The following DESI1 variants were observed in gnomAD, a reference collection of about 807,000 sequenced individuals.
DESI1 encodes PPPDE peptidase domain containing 2.
DESI1 carries 17 observed loss-of-function variants against 22.4 expected under a neutral mutation model. That is an observed-to-expected ratio of 0.76 (90% CI 0.52 to 1.14). The LOEUF (loss-of-function observed/expected upper bound fraction) is 1.14. Among genes scored for constraint, DESI1 ranks in the 50% most tolerant of loss-of-function variants. DESI1 has a pLI of 0.00. For missense variants in DESI1, 177 were observed against 208.9 expected, an observed-to-expected ratio of 0.85 and a Z score of 0.94; for synonymous variants, 92 against 84.2, an observed-to-expected ratio of 1.09 and a Z score of -0.51.
intron 2 of DESI1, 62 bp from the exon 3 acceptor site, chr22:41,607,393 C>G: frequency 6.7e-7 from 1 of 1,495,760 alleles, no homozygotes; most frequent in Non-Finnish European, 9.1e-7. Flanking sequence ...AAAGCAAACA[C>G]CATAATGCAA....
At chr22:41,604,249 ACTTTT>A in intron 3 of DESI1, 96 bp from the exon 4 acceptor site, 1 of 496,622 alleles carries the variant, frequency 2.0e-6, no homozygotes, top group Non-Finnish European at 3.1e-6. Context: ...CTCTGTTCTG[ACTTTT>A]TTTTTTTTTT....
Position 41,620,948 on chromosome 22 carries a change from C to A in DESI1, c.-109G>T, listed in dbSNP as rs998311182. The A allele has an allele frequency of 1.8e-5, 23 of 1,274,894 alleles. No individual in the cohort carries two copies. The South Asian group carries it at 3.2e-4, about 18-fold the overall frequency. 79.0% of individuals were successfully genotyped at this position (1,274,894 alleles called of 1,614,324 possible). ...AGCGGAGGGAGAGGGGGGGACCGAG[C>A]CCGGGCCCGGGCTGAGGGGTGGGGG... On this transcript the variant is annotated 5_prime_UTR_variant, in exon 1 of 6. Coordinates refer to ENST00000263256, the MANE Select transcript of DESI1 (RefSeq NM_015704.3).
In DESI1 at chr22:41,600,047, C is replaced by A. The variant is rs370299269; in HGVS notation, c.*1050G>T. On this transcript the variant is annotated 3_prime_UTR_variant, in exon 6 of 6. Coordinates refer to ENST00000263256, the MANE Select transcript of DESI1 (RefSeq NM_015704.3). The stretch of plus-strand genomic sequence containing the variant: ...TACAAAAATTAGCCTGGCGTGGTGG[C>A]ACGCACCTGTAATCCCAGCTACTCA... 2.6e-5 allele frequency: 4 copies of A among 152,120 alleles called. No homozygotes were observed. In the East Asian group the frequency reaches 5.9e-4, roughly 22 times the overall value. 9.4% of individuals were successfully genotyped at this position (152,120 alleles called of 1,614,324 possible). A position where few individuals can be genotyped will look rare whatever the true frequency, so the allele number is the denominator to read the frequency against.
intron 1 of DESI1, among the ~76,000 whole-genome samples, chr22:41,608,458 G>GAAAAAAA (rs1231592984): frequency 6.6e-6 from 1 of 152,138 alleles, no homozygotes; most frequent in South Asian, 2.1e-4. Context: ...TAAAAATAAG[G>GAAAAAAA]TACTAAATAT....
In DESI1 at chr22:41,620,924, G is replaced by C. The variant is rs1190763451; in HGVS notation, c.-85C>G. 2 of 1,500,540 alleles carry C rather than the reference G, an allele frequency of 1.3e-6. No homozygotes were observed. The highest frequency in any genetic ancestry group is 4.0e-5 in the Admixed American group (2 of 50,046). The allele number at this position is 1,500,540 out of a possible 1,614,324, so 93.0% of individuals were successfully genotyped here. Reference sequence around the variant, plus strand: ...TTCCCGTACCCGACGGGAGTGCGAAGCGGAGGGAGAGGGGGGGACCGAGCC... The same window carrying C: ...TTCCCGTACCCGACGGGAGTGCGAACCGGAGGGAGAGGGGGGGACCGAGCC... On this transcript the variant is annotated 5_prime_UTR_variant, in exon 1 of 6. Transcript: ENST00000263256.
chr22:41,602,716 G>T (rs992769699), intron 5 of DESI1: 6 of 989,438 alleles, frequency 6.1e-6, no homozygotes, highest in Admixed American at 1.2e-4. Flanking sequence ...CTCTTCCAAG[G>T]CTTGGGGCAC....
In DESI1 at chr22:41,603,298, G is replaced by C; in HGVS notation, c.374C>G (p.Pro125Arg). 1 of 1,614,224 alleles carries C rather than the reference G, an allele frequency of 6.2e-7. No homozygotes were observed. Among genetic ancestry groups the C allele is most frequent in the Non-Finnish European group, 8.5e-7 (1 of 1,180,044 alleles). The change falls in exon 5 of 6, where the codon CCT becomes CGT. Residue 125 changes from proline to arginine, a missense_variant. Physicochemically the swap from Pro to Arg is moderately radical, Grantham distance 103. Transcript: ENST00000263256. ...AGAGGGCAGGTCTGTGATGTAAGAA[G>C]GAATCTTCCGCCCAGTCAGGAACTG... ...VAQFLTGRKI[P>R]SYITDLPSEV... is the part of the protein sequence containing the mutation.
chr22:41,616,481 C>A (rs1359372981), intron 1 of DESI1, among the ~76,000 whole-genome samples: 1 of 148,634 alleles, frequency 6.7e-6, no homozygotes, highest in African/African-American at 2.6e-5. Flanking sequence ...AACTTCTGAT[C>A]AGAAAATAAT....
chr22:41,611,602 T>C (rs1395921685), intron 1 of DESI1, among the ~76,000 whole-genome samples: 9 of 150,170 alleles, frequency 6.0e-5, no homozygotes, highest in African/African-American at 9.8e-5. Context: ...TTTTTTTTTT[T>C]TTTTTTTTTT....
chr22:41,611,942 G>A (rs966008548), intron 1 of DESI1, among the ~76,000 whole-genome samples: 22 of 152,078 alleles, frequency 1.4e-4, no homozygotes, highest in African/African-American at 4.8e-4. Flanking sequence ...GGAATGCTAC[G>A]CTTACAAGGA....
At chr22:41,603,427 C>A (rs1219739849) in intron 4 of DESI1, 46 bp from the exon 5 acceptor site, 3 of 1,612,726 alleles carry the variant, frequency 1.9e-6, no homozygotes, top group Non-Finnish European at 1.7e-6. Flanking sequence ...AACCAGCAAG[C>A]GTCTATGTGG....
At chr22:41,607,207 C>T in intron 3 of DESI1, 55 bp downstream of exon 3, 1 of 1,486,630 alleles carries the variant, frequency 6.7e-7, no homozygotes, top group African/African-American at 1.4e-5. Flanking sequence ...TCCTGGTCTA[C>T]AGGAGCCCCC....
intron 1 of DESI1, 152 bp downstream of exon 1, chr22:41,620,600 T>C: frequency 1.4e-6 from 1 of 736,958 alleles, no homozygotes; most frequent in South Asian, 2.0e-5. Flanking sequence ...TGGCCCAAAC[T>C]TCAGACCACT....
intron 1 of DESI1, among the ~76,000 whole-genome samples, chr22:41,611,854 G>A (rs1001163622): frequency 2.6e-4 from 40 of 152,102 alleles, no homozygotes; most frequent in African/African-American, 8.9e-4. Flanking sequence ...GCCTCCCAAA[G>A]TGCTGGGATT....
chr22:41,606,655 T>A (rs1387354904), intron 3 of DESI1, among the ~76,000 whole-genome samples: 2 of 150,034 alleles, frequency 1.3e-5, no homozygotes, highest in East Asian at 3.9e-4. Context: ...GCACCTGTAA[T>A]CCCAGCTACT....
chr22:41,604,370 C>G (rs2067467185), intron 3 of DESI1: 1 of 427,326 alleles, frequency 2.3e-6, no homozygotes, highest in Non-Finnish European at 4.2e-6. Context: ...CTCAGCCTCC[C>G]AAGTAGCTGA....
chr22:41,616,485 AAAT>A (rs1217910023), intron 1 of DESI1, among the ~76,000 whole-genome samples: 2 of 148,128 alleles, frequency 1.4e-5, no homozygotes, highest in Non-Finnish European at 1.5e-5. Context: ...TCTGATCAGA[AAAT>A]AATAAACAAA....
rs372766561 is a variant in DESI1, at chr22:41,607,869, G to A, written c.89-8C>T. On this transcript the variant is annotated splice_polypyrimidine_tract_variant and splice_region_variant and intron_variant, in intron 1 of 5. Coordinates refer to ENST00000263256, the MANE Select transcript of DESI1 (RefSeq NM_015704.3). ...TGCCTTCCAGTTGTTTCCCTGTGGA[G>A]AGAAGAAGAGATTTAGCCACTTGGG... The A allele has an allele frequency of 1.9e-6, 3 of 1,614,220 alleles. No homozygotes were observed. The highest frequency in any genetic ancestry group is 1.1e-5 in the South Asian group (1 of 91,078).
At chr22:41,609,411 G>C (rs2067503153) in intron 1 of DESI1, among the ~76,000 whole-genome samples, 1 of 152,210 alleles carries the variant, frequency 6.6e-6, no homozygotes, top group Non-Finnish European at 1.5e-5. Flanking sequence ...CACAGTATGT[G>C]ATATACAGAT....
Sources: allele counts gnomAD v4.1 joint callset (sites outside exome capture counted in the v4.1 genomes callset), GRCh38; gene constraint gnomAD v4.1.1; transcripts MANE v1.5; gene names NCBI Gene and HGNC (gene_info 2026-07-23, HGNC 2026-07-21).